OPHN1: variants seen among roughly 807,000 people sequenced by gnomAD.
The protein encoded by OPHN1 is oligophrenin-1.
In OPHN1, 11 loss-of-function variants were observed where a neutral mutation model predicts 60.7. The ratio of observed to expected loss-of-function variants is 0.18; its 90% confidence interval spans 0.11 to 0.30. OPHN1 has a LOEUF of 0.30. Among genes scored for constraint, OPHN1 ranks in the 10% least tolerant of loss-of-function variants. The pLI is 1.00. For missense variants in OPHN1, 449 were observed against 611.0 expected, an observed-to-expected ratio of 0.73 and a Z score of 2.80; for synonymous variants, 226 against 222.6, an observed-to-expected ratio of 1.02 and a Z score of -0.14.
chrX:68,289,506 T>A (rs952990904), intron 3 of OPHN1, among the ~76,000 whole-genome samples: 4 of 112,192 alleles, frequency 3.6e-5, no homozygotes, highest in Admixed American at 9.4e-5. Flanking sequence ...AGCTTAAAAT[T>A]ATCTATACCC....
chrX:68,432,671 A>C lies in OPHN1; in HGVS notation c.154+196T>G, dbSNP rs5919563. 2.7e-5 allele frequency among the ~76,000 whole-genome samples: 3 copies of C among 110,355 alleles called. No individual in the cohort carries two copies. In the Admixed American group the frequency reaches 2.9e-4, roughly 11 times the overall value. On this transcript the variant is annotated intron_variant, in intron 2 of 24. Coordinates refer to ENST00000355520, the MANE Select transcript of OPHN1 (RefSeq NM_002547.3). ...CTTATAAGGTCAAAACCACTAAAGG[A>C]AAAGGCCCAAAGTTCTGGTTGTATC...
intron 15 of OPHN1, among the ~76,000 whole-genome samples, chrX:68,130,031 A>G (rs2077187398): frequency 8.9e-6 from 1 of 112,647 alleles, no homozygotes; most frequent in South Asian, 3.6e-4. Context: ...GCTGAAAGAA[A>G]GGCCATTGGT....
chrX:68,049,834 A>C (rs992613466), intron 23 of OPHN1, among the ~76,000 whole-genome samples: 3 of 112,105 alleles, frequency 2.7e-5, no homozygotes, highest in Non-Finnish European at 5.6e-5. Flanking sequence ...TGGAACACTA[A>C]TAACTTCTGA....
intron 15 of OPHN1, among the ~76,000 whole-genome samples, chrX:68,186,844 G>A (rs940846113): frequency 9.0e-6 from 1 of 110,922 alleles, no homozygotes; most frequent in African/African-American, 3.3e-5. Flanking sequence ...ATTCATGAAG[G>A]CCCCATCCTT....
chrX:68,265,465 G>A (rs1354620338), intron 5 of OPHN1, among the ~76,000 whole-genome samples: 2 of 112,149 alleles, frequency 1.8e-5, no homozygotes, highest in African/African-American at 6.5e-5. Context: ...GAAGCTGAGG[G>A]TCCTGACTGT....
intron 2 of OPHN1, among the ~76,000 whole-genome samples, chrX:68,305,362 C>T (rs1181271334): frequency 8.9e-6 from 1 of 112,243 alleles, no homozygotes; most frequent in African/African-American, 3.2e-5. Context: ...AGAGAGACCC[C>T]ATCTCAAAAT....
intron 15 of OPHN1, among the ~76,000 whole-genome samples, chrX:68,140,590 A>G (rs891140482): frequency 1.8e-5 from 2 of 109,861 alleles, no homozygotes; most frequent in Non-Finnish European, 1.9e-5. Flanking sequence ...CCTTGGCCAT[A>G]AGTGAAAACA....
intron 2 of OPHN1, among the ~76,000 whole-genome samples, chrX:68,329,628 C>T (rs985047186): frequency 3.6e-5 from 4 of 111,640 alleles, no homozygotes; most frequent in African/African-American, 6.5e-5. Flanking sequence ...CTAAATAAGC[C>T]TCTTGCCAGC....
At chrX:68,156,372 TAAAA>T (rs1449088490) in intron 15 of OPHN1, among the ~76,000 whole-genome samples, 5 of 102,094 alleles carry the variant, frequency 4.9e-5, no homozygotes, top group Non-Finnish European at 8.0e-5. Context: ...AGAAAAAAGA[TAAAA>T]TAAATATAAA....
At chrX:68,414,553 C>T (rs1193464923) in intron 2 of OPHN1, among the ~76,000 whole-genome samples, 2 of 112,141 alleles carry the variant, frequency 1.8e-5, no homozygotes, top group African/African-American at 6.5e-5. Context: ...TATACTTAAA[C>T]AGTAGAGACT....
At chrX:68,197,106 C>A in intron 12 of OPHN1, 80 bp downstream of exon 12, 2 of 692,119 alleles carry the variant, frequency 2.9e-6, no homozygotes, top group South Asian at 4.4e-5. Context: ...ATTTAATTGT[C>A]TGAGACCCAC....
intron 15 of OPHN1, among the ~76,000 whole-genome samples, chrX:68,160,075 G>A (rs886408323): frequency 9.2e-6 from 1 of 109,191 alleles, no homozygotes; most frequent in Non-Finnish European, 1.9e-5. Flanking sequence ...TATGTTAAAT[G>A]TAAAAGGGAG....
intron 2 of OPHN1, among the ~76,000 whole-genome samples, chrX:68,394,893 A>G (rs900705690): frequency 7.2e-5 from 8 of 111,062 alleles, no homozygotes; most frequent in African/African-American, 2.6e-4. Flanking sequence ...TGATCCACTC[A>G]CCTCGGCCTC....
chrX:68,377,971 G>A (rs1255509131), intron 2 of OPHN1, among the ~76,000 whole-genome samples: 1 of 111,782 alleles, frequency 8.9e-6, no homozygotes, highest in Non-Finnish European at 1.9e-5. Flanking sequence ...GGGTCAAATG[G>A]TATTTCTAGT....
chrX:68,403,606 A>G (rs750538066), intron 2 of OPHN1, among the ~76,000 whole-genome samples: 1 of 111,019 alleles, frequency 9.0e-6, no homozygotes, highest in South Asian at 3.9e-4. Flanking sequence ...TTCAGCAACT[A>G]AATCAAAGAG....
rs777255636 is a variant in OPHN1 at position 68,111,357 on chromosome X, C to A, written c.1526+497G>T. On this transcript the variant is annotated intron_variant, in intron 18 of 24. Transcript: ENST00000355520. ...CTCAGTGCCTGTCACCAGGACTATT[C>A]TCCAGGATCCCGCTGTCTGTTACTG... Among the ~76,000 whole-genome samples, 15 of 112,543 alleles carry A rather than the reference C, an allele frequency of 1.3e-4. No individual in the cohort carries two copies. In the South Asian group the frequency reaches 3.7e-3, roughly 28 times the overall value.
chrX:68,422,781 G>T (rs2078834983), intron 2 of OPHN1, among the ~76,000 whole-genome samples: 1 of 64,990 alleles, frequency 1.5e-5, no homozygotes, highest in South Asian at 1.6e-3. Context: ...AAGAAAGAAA[G>T]AGAGAGAGGG....
intron 15 of OPHN1, among the ~76,000 whole-genome samples, chrX:68,131,574 A>G (rs775372081): frequency 1.8e-5 from 2 of 112,204 alleles, no homozygotes; most frequent in Admixed American, 1.9e-4. Context: ...GCAATTATGA[A>G]TATCTGTGCA....
chrX:68,230,456 C>T (rs1042090299), intron 6 of OPHN1, among the ~76,000 whole-genome samples: 1 of 110,875 alleles, frequency 9.0e-6, no homozygotes, highest in African/African-American at 3.3e-5. Flanking sequence ...TATAAAGACA[C>T]ATGCACACAT....
Sources: gnomAD v4.1 joint callset for allele counts (sites outside exome capture counted in the v4.1 genomes callset) on GRCh38, gnomAD v4.1.1 for gene constraint, MANE v1.5 for transcripts, NCBI Gene and HGNC (gene_info 2026-07-23, HGNC 2026-07-21) for gene names.